The following AP3B1 variants were observed in gnomAD, a reference collection of about 807,000 sequenced individuals.
AP3B1 encodes adaptor related protein complex 3 subunit beta 1.
AP3B1 carries 61 observed loss-of-function variants against 132.5 expected under a neutral mutation model. The observed-to-expected ratio is 0.46, with a 90% CI of 0.37 to 0.57. The LOEUF is 0.57. Among genes scored for constraint, AP3B1 ranks in the 20% least tolerant of loss-of-function variants. The pLI is 0.00. For missense variants in AP3B1, 1,120 were observed against 1,289.4 expected (o/e 0.87, Z 2.01); for synonymous variants, 388 against 438.3 (o/e 0.89, Z 1.43).
chr5:78,074,018 G>A (rs7709706), intron 22 of AP3B1, among the ~76,000 whole-genome samples: 5,299 of 152,070 alleles, frequency 0.035, 321 homozygotes, highest in African/African-American at 0.12. Context: ...CTGATTCAGC[G>A]GATTTGTCAC....
At chr5:78,064,025 C>T (rs80313012) in intron 22 of AP3B1, among the ~76,000 whole-genome samples, 4,032 of 148,562 alleles carry the variant, frequency 0.027, 167 homozygotes, top group East Asian at 0.14. Context: ...CAGGGGGGGT[C>T]GGGCAGGAAG....
At chr5:78,136,518 C>T (rs75883170) in intron 15 of AP3B1, among the ~76,000 whole-genome samples, 4,296 of 152,254 alleles carry the variant, frequency 0.028, 205 homozygotes, top group African/African-American at 0.095. Context: ...CAGAGGTTAA[C>T]ATCTACATGT....
intron 21 of AP3B1, among the ~76,000 whole-genome samples, chr5:78,097,607 G>A (rs1356103134): frequency 7.8e-6 from 1 of 128,322 alleles, no homozygotes; most frequent in Non-Finnish European, 1.6e-5. Context: ...GAGGGAGGTG[G>A]GGGGGTCAGC....
chr5:78,004,806 T>C (rs370723921), intron 26 of AP3B1, among the ~76,000 whole-genome samples: 7 of 152,328 alleles, frequency 4.6e-5, no homozygotes, highest in African/African-American at 1.7e-4. Context: ...GAAGCAATTG[T>C]AAGTAACCAG....
chr5:78,294,346 A>T, intron 1 of AP3B1, 106 bp downstream of exon 1: 1 of 1,544,896 alleles, frequency 6.5e-7, no homozygotes, highest in Non-Finnish European at 8.9e-7. Context: ...CCCTGCTCAG[A>T]CCTCAGGGCG....
intron 21 of AP3B1, among the ~76,000 whole-genome samples, chr5:78,096,571 T>C (rs1436311389): frequency 1.3e-5 from 2 of 148,804 alleles, no homozygotes; most frequent in African/African-American, 2.5e-5. Context: ...GTGAGGAGCG[T>C]CTCTGCCCGG....
intron 22 of AP3B1, among the ~76,000 whole-genome samples, chr5:78,046,262 C>T (rs1204875595): frequency 6.6e-6 from 1 of 152,192 alleles, no homozygotes; most frequent in Non-Finnish European, 1.5e-5. Flanking sequence ...CTCTGCCTCC[C>T]GTCAGATCAG....
At position 78,035,520 on chromosome 5, in the gene AP3B1, C is replaced by T. The variant is rs74638493; in HGVS notation, c.2810-1075G>A. Among the ~76,000 whole-genome samples the T allele has an allele frequency of 5.1e-3, 775 of 151,846 alleles. 2 individuals carry two copies. Among genetic ancestry groups the T allele is most frequent in the African/African-American group, 7.4e-3 (308 of 41,432 alleles). On this transcript the variant is annotated intron_variant, in intron 23 of 26. Coordinates refer to ENST00000255194, the MANE Select transcript of AP3B1 (RefSeq NM_003664.5). Reference sequence around the variant, plus strand: ...ACCACGACAGAGATGATGGTACAGTCGGGATAAAATAATAATTCAATAAGC... The same window carrying T: ...ACCACGACAGAGATGATGGTACAGTTGGGATAAAATAATAATTCAATAAGC...
chr5:78,044,075 G>A (rs1748214029), intron 22 of AP3B1: 1 of 308,504 alleles, frequency 3.2e-6, no homozygotes. Flanking sequence ...CATGAGTTGG[G>A]CAATATCTGC....
intron 14 of AP3B1, among the ~76,000 whole-genome samples, chr5:78,145,047 A>T (rs1329649252): frequency 6.6e-6 from 1 of 152,226 alleles, no homozygotes; most frequent in Non-Finnish European, 1.5e-5. Flanking sequence ...TATTTATCAT[A>T]AATGAAGGAT....
intron 7 of AP3B1, among the ~76,000 whole-genome samples, chr5:78,201,066 G>A (rs1561473673): frequency 6.6e-6 from 1 of 152,158 alleles, no homozygotes; most frequent in Admixed American, 6.6e-5. Context: ...CCACCTGTAA[G>A]CAAAGGACAG....
chr5:78,127,992 C>G, intron 17 of AP3B1, 38 bp downstream of exon 17: 1 of 1,608,320 alleles, frequency 6.2e-7, no homozygotes, highest in South Asian at 1.1e-5. Context: ...GAGTCTTCCA[C>G]TGCTTTGGCA....
intron 2 of AP3B1, among the ~76,000 whole-genome samples, chr5:78,265,451 C>CA (rs959593329): frequency 1.3e-4 from 19 of 149,144 alleles, no homozygotes; most frequent in African/African-American, 2.7e-4. Flanking sequence ...TCTAAAAAAA[C>CA]AAAAAAAAAG....
rs1561467930 is a variant in AP3B1 at position 78,191,364 on chromosome 5, A to ACC, written c.787-9703_787-9702insGG. 1.9e-3 allele frequency among the ~76,000 whole-genome samples: 264 copies of ACC among 142,050 alleles called. 1 individual carries two copies. The highest frequency in any genetic ancestry group is 7.6e-3 in the Middle Eastern group (2 of 262). The allele number at this position is 142,050 out of a possible 152,430, so 93.2% of individuals were successfully genotyped here. Reference sequence around the variant, plus strand: ...GGAATTGCTTTTCCCCAAAAAAAAAAAAAAAAAAAAAAAGGATGTGTTAAT... The same window carrying ACC: ...GGAATTGCTTTTCCCCAAAAAAAAAACCAAAAAAAAAAAAAGGATGTGTTAAT... On this transcript the variant is annotated intron_variant, in intron 7 of 26. Coordinates refer to ENST00000255194, the MANE Select transcript of AP3B1 (RefSeq NM_003664.5).
At chr5:78,080,623 A>ATTTTTTTTTTTT (rs66609184) in intron 22 of AP3B1, among the ~76,000 whole-genome samples, 16 of 103,528 alleles carry the variant, frequency 1.5e-4, no homozygotes, top group African/African-American at 6.0e-4. Flanking sequence ...TATGCCTCCA[A>ATTTTTTTTTTTT]TTTTTTTTTT....
At chr5:78,214,818 T>C (rs559084664) in intron 7 of AP3B1, among the ~76,000 whole-genome samples, 120 of 152,260 alleles carry the variant, frequency 7.9e-4, no homozygotes, top group Middle Eastern at 3.4e-3. Flanking sequence ...TTGACAAGGA[T>C]AGTAAAATTT....
At chr5:78,058,527 A>G (rs1748911337) in intron 22 of AP3B1, among the ~76,000 whole-genome samples, 1 of 152,052 alleles carries the variant, frequency 6.6e-6, no homozygotes, top group Non-Finnish European at 1.5e-5. Context: ...TATAATTCTG[A>G]TTCTAAAGTA....
chr5:78,097,066 G>C (rs1750857106), intron 21 of AP3B1, among the ~76,000 whole-genome samples: 1 of 122,586 alleles, frequency 8.2e-6, no homozygotes, highest in African/African-American at 3.3e-5. Context: ...GAGGTTGGGG[G>C]GTCAGCCCCC....
chr5:78,006,206 T>C (rs1191948739), intron 26 of AP3B1, among the ~76,000 whole-genome samples: 3 of 152,204 alleles, frequency 2.0e-5, no homozygotes, highest in Non-Finnish European at 4.4e-5. Flanking sequence ...CCAGAGAAGT[T>C]GAAGAACTTC....
Sources: allele counts gnomAD v4.1 joint callset (sites outside exome capture counted in the v4.1 genomes callset), GRCh38; gene constraint gnomAD v4.1.1; transcripts MANE v1.5; gene names NCBI Gene and HGNC (gene_info 2026-07-23, HGNC 2026-07-21).